Variants in ASRGL1 observed in about 807,000 individuals in gnomAD.
ASRGL1 encodes asparaginase and isoaspartyl peptidase 1, also known as isoaspartyl peptidase/L-asparaginase.
A neutral mutation model predicts 22.4 loss-of-function variants in ASRGL1; 16 were observed. The observed-to-expected ratio is 0.71, with a 90% CI of 0.48 to 1.08. The LOEUF (loss-of-function observed/expected upper bound fraction) is 1.08. Among genes scored for constraint, ASRGL1 ranks in the 50% least tolerant of loss-of-function variants. The pLI, the probability that ASRGL1 is intolerant of heterozygous loss-of-function variation, is 0.00. For missense variants in ASRGL1, 412 were observed against 410.1 expected (o/e 1.00, Z -0.04); for synonymous variants, 165 against 159.3 (o/e 1.04, Z -0.27).
rs553539470 is a variant in ASRGL1, at chr11:62,367,311, C to T, written c.491+10167C>T. On this transcript the variant is annotated intron_variant, in intron 4 of 6. Transcript: ENST00000415229. ...CGAGATCACGCCACTGCACTCCAGC[C>T]TGGGCGACAGAGTGAAACTCTGTCT... 1.5e-4 allele frequency among the ~76,000 whole-genome samples: 23 copies of T among 150,856 alleles called. No individual in the cohort carries two copies. In the South Asian group the frequency reaches 4.6e-3, roughly 30 times the overall value.
chr11:62,391,873 G>C (rs1947348021), intron 6 of ASRGL1: 1 of 737,240 alleles, frequency 1.4e-6, no homozygotes, highest in South Asian at 1.9e-5. Flanking sequence ...ATTGAGCCTG[G>C]ATGTGGGAGG....
At chr11:62,373,022 C>A in intron 4 of ASRGL1, 1 of 1,369,274 alleles carries the variant, frequency 7.3e-7, no homozygotes, top group Middle Eastern at 2.0e-4. Context: ...CCAAGTCTTC[C>A]ACTGCAGCCC....
downstream of ASRGL1, among the ~76,000 whole-genome samples, chr11:62,395,643 G>A (rs529155663): frequency 2.1e-4 from 32 of 152,090 alleles, no homozygotes; most frequent in African/African-American, 7.2e-4. Context: ...TGGTGTGTGG[G>A]GAAGGCTGGG....
intron 2 of ASRGL1, among the ~76,000 whole-genome samples, chr11:62,347,219 A>G (rs1946048729): frequency 6.6e-6 from 1 of 152,212 alleles, no homozygotes; most frequent in African/African-American, 2.4e-5. Flanking sequence ...GACTATAGTC[A>G]TCAGTCTATA....
intron 4 of ASRGL1, among the ~76,000 whole-genome samples, chr11:62,364,775 A>C (rs1946569033): frequency 6.6e-6 from 1 of 152,200 alleles, no homozygotes; most frequent in Non-Finnish European, 1.5e-5. Flanking sequence ...AAACAAAAAG[A>C]AACATTGAGG....
At chr11:62,340,277 A>T (rs956395812) in intron 2 of ASRGL1, among the ~76,000 whole-genome samples, 1 of 152,164 alleles carries the variant, frequency 6.6e-6, no homozygotes, top group Non-Finnish European at 1.5e-5. Context: ...CTCTGAAAAT[A>T]AAATTAAGTT....
chr11:62,383,428 C>A (rs1947121528), intron 4 of ASRGL1, among the ~76,000 whole-genome samples: 1 of 148,334 alleles, frequency 6.7e-6, no homozygotes, highest in South Asian at 2.1e-4. Flanking sequence ...ACGGTGAAAC[C>A]CCGTCTCTAC....
Position 62,356,476 on chromosome 11 carries a change from G to C in ASRGL1, c.333+9G>C. 1 of 1,613,642 alleles carries C rather than the reference G, an allele frequency of 6.2e-7. No homozygotes were observed. Among genetic ancestry groups the C allele is most frequent in the Non-Finnish European group, 8.5e-7 (1 of 1,179,692 alleles). On this transcript the variant is annotated intron_variant, in intron 3 of 6. Coordinates refer to ENST00000415229, the MANE Select transcript of ASRGL1 (RefSeq NM_001083926.2). ...GGCTTGTCATGGAAAAGGTATATGTGACTAAAGCAGCCTTTTCCTAATGAA... is the reference window on the plus strand; with the variant it reads ...GGCTTGTCATGGAAAAGGTATATGTCACTAAAGCAGCCTTTTCCTAATGAA...
chr11:62,391,324 C>T (rs1366495337), intron 5 of ASRGL1, among the ~76,000 whole-genome samples, 198 bp from the exon 6 acceptor site: 1 of 152,232 alleles, frequency 6.6e-6, no homozygotes, highest in African/African-American at 2.4e-5. Context: ...CTGAGGCTCC[C>T]TTTATCCTCC....
chr11:62,343,466 A>G (rs1831700681), intron 2 of ASRGL1, among the ~76,000 whole-genome samples: 1 of 151,462 alleles, frequency 6.6e-6, no homozygotes, highest in Non-Finnish European at 1.5e-5. Flanking sequence ...GGCGCAGCTC[A>G]TGCCTGTAAT....
chr11:62,365,238 G>C (rs1946582625), intron 4 of ASRGL1, among the ~76,000 whole-genome samples: 1 of 152,068 alleles, frequency 6.6e-6, no homozygotes, highest in South Asian at 2.1e-4. Flanking sequence ...TAATAATATT[G>C]TGTACTGGAA....
At chr11:62,397,480 C>T (rs1947445082), downstream of ASRGL1, among the ~76,000 whole-genome samples, 1 of 151,968 alleles carries the variant, frequency 6.6e-6, no homozygotes, top group Admixed American at 6.5e-5. Flanking sequence ...GTCTGACCAA[C>T]ATGGAGAAAC....
At chr11:62,352,814 C>A (rs528724628) in intron 2 of ASRGL1, among the ~76,000 whole-genome samples, 9 of 152,212 alleles carry the variant, frequency 5.9e-5, no homozygotes, top group African/African-American at 2.2e-4. Flanking sequence ...GGTTTCTCCC[C>A]TATAGGTAAG....
At chr11:62,361,308 C>T (rs1218511597) in intron 4 of ASRGL1, among the ~76,000 whole-genome samples, 1 of 151,948 alleles carries the variant, frequency 6.6e-6, no homozygotes, top group Non-Finnish European at 1.5e-5. Flanking sequence ...CCTCCCATCT[C>T]AGCCTCCCAA....
chr11:62,386,089 G>A (rs1420807404), intron 4 of ASRGL1, among the ~76,000 whole-genome samples: 2 of 151,212 alleles, frequency 1.3e-5, no homozygotes, highest in Non-Finnish European at 1.5e-5. Context: ...TTGAACCCAT[G>A]AGGCAGAGGT....
At chr11:62,367,958 A>G (rs1202937143) in intron 4 of ASRGL1, among the ~76,000 whole-genome samples, 1 of 152,162 alleles carries the variant, frequency 6.6e-6, no homozygotes, top group African/African-American at 2.4e-5. Flanking sequence ...AAACAAATAA[A>G]AATAAATTTA....
chr11:62,365,181 T>C (rs370431570), intron 4 of ASRGL1, among the ~76,000 whole-genome samples: 34 of 152,232 alleles, frequency 2.2e-4, no homozygotes, highest in African/African-American at 7.7e-4. Flanking sequence ...AAATTACTGT[T>C]ATGTAGCATG....
chr11:62,376,883 T>C (rs1025614077), intron 4 of ASRGL1, among the ~76,000 whole-genome samples: 3 of 152,360 alleles, frequency 2.0e-5, no homozygotes. Flanking sequence ...TGGGAAGTAC[T>C]TTCTCCTGTT....
intron 4 of ASRGL1, among the ~76,000 whole-genome samples, chr11:62,376,744 G>T (rs984002630): frequency 2.3e-4 from 35 of 152,088 alleles, no homozygotes; most frequent in African/African-American, 8.5e-4. Context: ...AATTCCTGTT[G>T]TATGTGTAAT....
Sources: allele counts gnomAD v4.1 joint callset (sites outside exome capture counted in the v4.1 genomes callset), GRCh38; gene constraint gnomAD v4.1.1; transcripts MANE v1.5; gene names NCBI Gene and HGNC (gene_info 2026-07-23, HGNC 2026-07-21).